Variants in TMEM79 observed in about 807,000 individuals in gnomAD.
The protein encoded by TMEM79 is transmembrane protein 79.
Under a neutral mutation model 31.2 loss-of-function variants are expected in TMEM79, and 30 were observed. That is an observed-to-expected ratio of 0.96 (90% CI 0.72 to 1.30). The LOEUF is 1.30. TMEM79 is among the 50% of genes most tolerant of loss of function. The pLI is 0.00. For synonymous variants in TMEM79, 213 were observed against 229.5 expected, an observed-to-expected ratio of 0.93 and a Z score of 0.65; for missense variants, 509 against 528.2, an observed-to-expected ratio of 0.96 and a Z score of 0.36.
rs1203524564 is a variant in TMEM79, at chr1:156,285,962, G to A, written c.736G>A (p.Ala246Thr). The change falls in exon 2 of 4, where the codon GCC becomes ACC. Residue 246 changes from alanine (A) to threonine (T), a missense_variant. By Grantham distance (58) the Ala-to-Thr change is moderately conservative. Transcript: ENST00000405535. ...LIYTLRCGVFATFPIVLGILV... is the reference protein window; with the variant it reads ...LIYTLRCGVFTTFPIVLGILV... ...CTACACACTGCGCTGCGGGGTCTTT[G>A]CCACCTTCCCCATTGTGCTGGGTGA... 1.2e-6 allele frequency: 2 copies of A among 1,608,622 alleles called. No individual in the cohort carries two copies. The highest frequency in any genetic ancestry group is 8.5e-7 in the Non-Finnish European group (1 of 1,177,376).
chr1:156,291,866 G>A lies in TMEM79; in HGVS notation c.*268G>A, dbSNP rs1284392999. 1 of 595,712 alleles carries A rather than the reference G, an allele frequency of 1.7e-6. No homozygotes were observed. The highest frequency in any genetic ancestry group is 1.9e-5 in the African/African-American group (1 of 53,774). The allele number at this position is 595,712 out of a possible 1,614,324, so 36.9% of individuals were successfully genotyped here. A position where few individuals can be genotyped will look rare whatever the true frequency, so the allele number is the denominator to read the frequency against. On this transcript the variant is annotated 3_prime_UTR_variant, in exon 4 of 4. Coordinates refer to ENST00000405535, the MANE Select transcript of TMEM79 (RefSeq NM_032323.3). ...CAGCCGTGTTTCTTAAGGATGCTGA[G>A]GGCATGGGGCCAGGACCAGGGGAGA...
At chr1:156,289,424 C>T (rs1243931299) in intron 3 of TMEM79, among the ~76,000 whole-genome samples, 3 of 152,112 alleles carry the variant, frequency 2.0e-5, no homozygotes, top group Non-Finnish European at 4.4e-5. Flanking sequence ...CTGGCTAACA[C>T]GGTGAAACCA....
rs1479548914 is a variant in TMEM79 at position 156,286,043 on chromosome 1, C to T, written c.757+60C>T. The T allele has an allele frequency of 4.5e-6, 7 of 1,547,820 alleles. No individual in the cohort carries two copies. The East Asian group carries it at 1.3e-4, about 30-fold the overall frequency. ...TGGACTTGAGGAGGGCAGGGCCTGG[C>T]TGGTGTGGGGAGCAGGAGGATTTCC... On this transcript the variant is annotated intron_variant, in intron 2 of 3. Transcript: ENST00000405535.
intron 3 of TMEM79, among the ~76,000 whole-genome samples, chr1:156,288,916 C>T (rs780854510): frequency 6.6e-6 from 1 of 152,162 alleles, no homozygotes; most frequent in African/African-American, 2.4e-5. Context: ...CATCAGGGAG[C>T]TAAAGGAAGA....
At position 156,285,204 on chromosome 1, in the gene TMEM79, G is replaced by C; in HGVS notation, c.-23G>C. On this transcript the variant is annotated 5_prime_UTR_variant, in exon 2 of 4. The change abolishes the stop of an existing upstream ORF in the 5' untranslated region. Transcript: ENST00000405535. ...TGCAGGATGACATGACCTTGTGGTA[G>C]ATCCCAGAACTGAGGCCCCAGGATG... is the stretch of plus-strand genomic sequence containing the variant. The C allele has an allele frequency of 6.6e-7, 1 of 1,517,128 alleles. No individual in the cohort carries two copies. Among genetic ancestry groups the C allele is most frequent in the Non-Finnish European group, 8.8e-7 (1 of 1,134,940 alleles). 94.0% of individuals were successfully genotyped at this position (1,517,128 alleles called of 1,614,324 possible).
Position 156,291,367 on chromosome 1 carries a change from C to T in TMEM79, c.972-18C>T, listed in dbSNP as rs1558253478. ...CGCTTCCCTCGAGAGTAGCCTGACC[C>T]TTTTCTTGCCCCCATAGGCTGATCT... On this transcript the variant is annotated intron_variant, in intron 3 of 3. Transcript: ENST00000405535. 2.5e-6 allele frequency: 4 copies of T among 1,612,804 alleles called. No individual in the cohort carries two copies. The highest frequency in any genetic ancestry group is 3.4e-6 in the Non-Finnish European group (4 of 1,178,928).
chr1:156,284,835 C>T (rs1017920939), intron 1 of TMEM79, among the ~76,000 whole-genome samples: 7 of 152,174 alleles, frequency 4.6e-5, no homozygotes, highest in Admixed American at 2.0e-4. Flanking sequence ...CCTCTTCTGC[C>T]TCCTATTCCT....
rs1172460291 is a variant in TMEM79, at chr1:156,286,436, C to G, written c.934C>G (p.Leu312Val). 1 of 1,614,110 alleles carries G rather than the reference C, an allele frequency of 6.2e-7. No homozygotes were observed. Among genetic ancestry groups the G allele is most frequent in the Admixed American group, 1.7e-5 (1 of 60,002 alleles). The stretch of plus-strand genomic sequence containing the variant: ...TTACCTGCCCCAGGATACCCTCAAA[C>G]TGCTCCCTCTGCTCACTGGTCTCTT... ...STYLPQDTLK[L>V]LPLLTGLFAV... The change falls in exon 3 of 4, where the codon CTG becomes GTG. Residue 312 changes from leucine to valine, a missense_variant. Physicochemically the swap from Leu to Val is conservative, Grantham distance 32. Transcript: ENST00000405535.
At chr1:156,289,185 G>A (rs1421409004) in intron 3 of TMEM79, among the ~76,000 whole-genome samples, 3 of 152,202 alleles carry the variant, frequency 2.0e-5, no homozygotes, top group African/African-American at 7.2e-5. Context: ...AAACAATCTA[G>A]TACTTGGTGC....
intron 3 of TMEM79, among the ~76,000 whole-genome samples, chr1:156,288,394 G>T (rs1663228455): frequency 6.7e-6 from 1 of 149,070 alleles, no homozygotes; most frequent in Admixed American, 6.7e-5. Flanking sequence ...GGAGTGCAGT[G>T]GCGCAATCTT....
chr1:156,291,099 C>G (rs1663311447), intron 3 of TMEM79: 1 of 405,772 alleles, frequency 2.5e-6, no homozygotes, highest in Non-Finnish European at 4.5e-6. Flanking sequence ...CATAGCAAGA[C>G]CATGTCTCTA....
rs752225406 is a variant in TMEM79, at chr1:156,285,917, A to G, written c.691A>G (p.Thr231Ala). The change falls in exon 2 of 4, where the codon ACC becomes GCC. Residue 231 changes from threonine to alanine, a missense_variant. Thr to Ala is a moderately conservative substitution (Grantham distance 58). Coordinates refer to ENST00000405535, the MANE Select transcript of TMEM79 (RefSeq NM_032323.3). ...FLPFDVPRLP[T>A]MSSRLIYTLR... ...GCCGTTTGATGTCCCACGGCTGCCC[A>G]CCATGAGTTCCCGCCTGATCTACAC... 6.0e-6 allele frequency: 9 copies of G among 1,490,580 alleles called. No homozygotes were observed. The highest frequency in any genetic ancestry group is 3.5e-4 in the Middle Eastern group (2 of 5,686). 92.3% of individuals were successfully genotyped at this position (1,490,580 alleles called of 1,614,324 possible).
intron 3 of TMEM79, among the ~76,000 whole-genome samples, chr1:156,288,253 T>C (rs2101591007): frequency 6.6e-6 from 1 of 151,606 alleles, no homozygotes; most frequent in African/African-American, 2.4e-5. Context: ...ACTGTTAATC[T>C]AGAAGGCACC....
At chr1:156,291,046 G>T (rs564626188) in intron 3 of TMEM79, 4 of 280,674 alleles carry the variant, frequency 1.4e-5, no homozygotes, top group Admixed American at 4.7e-5. Context: ...AGTCTGAGGT[G>T]AGAGAATCAC....
At chr1:156,290,229 C>T (rs1383666412) in intron 3 of TMEM79, 1 of 152,268 alleles carries the variant, frequency 6.6e-6, no homozygotes, top group Non-Finnish European at 1.5e-5. Context: ...ACTTTTTGCT[C>T]ATATATGCAC....
chr1:156,288,147 G>A (rs902092916), intron 3 of TMEM79, among the ~76,000 whole-genome samples: 5 of 148,860 alleles, frequency 3.4e-5, no homozygotes, highest in Non-Finnish European at 7.4e-5. Context: ...CCCGGGAGCC[G>A]AGATAGCGCC....
At chr1:156,290,538 TA>T (rs10632517) in intron 3 of TMEM79, 13 of 138,986 alleles carry the variant, frequency 9.4e-5, no homozygotes, top group African/African-American at 8.1e-5. Context: ...ATCTATAATT[TA>T]AAAAAAAAAA....
intron 3 of TMEM79, among the ~76,000 whole-genome samples, chr1:156,287,578 G>C (rs1416470498): frequency 6.7e-6 from 1 of 149,506 alleles, no homozygotes; most frequent in Non-Finnish European, 1.5e-5. Context: ...GGATGTGTGA[G>C]CTCTCCTCGC....
At chr1:156,283,624 T>A (rs946224840), upstream of TMEM79, among the ~76,000 whole-genome samples, 6 of 152,054 alleles carry the variant, frequency 3.9e-5, no homozygotes. Context: ...AAAGCAAGGG[T>A]GGTTTGTTTT....
Sources: gnomAD v4.1 joint callset for allele counts (sites outside exome capture counted in the v4.1 genomes callset) on GRCh38, gnomAD v4.1.1 for gene constraint, MANE v1.5 for transcripts, NCBI Gene and HGNC (gene_info 2026-07-23, HGNC 2026-07-21) for gene names.